The following ERI3 variants were observed in gnomAD, a reference collection of about 807,000 sequenced individuals.
ERI3 encodes ERI1 exoribonuclease family member 3.
Under a neutral mutation model 44.4 loss-of-function variants are expected in ERI3, and 18 were observed. That is an observed-to-expected ratio of 0.41 (90% CI 0.28 to 0.60). The LOEUF (loss-of-function observed/expected upper bound fraction) is 0.60. ERI3 is among the 20% of genes least tolerant of loss of function. The pLI, the probability that ERI3 is intolerant of heterozygous loss-of-function variation, is 0.36. For synonymous variants in ERI3, 183 were observed against 164.8 expected, an observed-to-expected ratio of 1.11 and a Z score of -0.84; for missense variants, 294 against 435.5, an observed-to-expected ratio of 0.68 and a Z score of 2.89.
In ERI3 at chr1:44,308,383, C is replaced by A. The variant is rs1645884889; in HGVS notation, c.685G>T (p.Ala229Ser). 1 of 1,614,162 alleles carries A rather than the reference C, an allele frequency of 6.2e-7. No homozygotes were observed. Among genetic ancestry groups the A allele is most frequent in the Non-Finnish European group, 8.5e-7 (1 of 1,179,984 alleles). ...TTTGGATCTAAGAGGCCTTCCTTCG[C>A]CATCCATTCATCGACCCTCTGAAAA... is the stretch of plus-strand genomic sequence containing the variant. ...QVLERVDEWM[A>S]KEGLLDPNVK... Residue 229 changes from alanine (A) to serine (S), a missense_variant, in exon 6 of 9, where the codon GCG becomes TCG. Physicochemically the swap from Ala to Ser is moderately conservative, Grantham distance 99. This residue lies in a region of ERI3 where 187 missense variants were observed against 338.6 expected (regional missense o/e 0.55). Coordinates refer to ENST00000372257, the MANE Select transcript of ERI3 (RefSeq NM_024066.3).
intron 2 of ERI3, among the ~76,000 whole-genome samples, chr1:44,342,812 AATATATATATATATATAT>A (rs59012227): frequency 0.015 from 470 of 30,870 alleles, 17 homozygotes; most frequent in African/African-American, 0.05. Flanking sequence ...ACATCCAGCT[AATATATATATATATATAT>A]ATATATATAT....
At chr1:44,308,226 T>C (rs1414428161) in intron 6 of ERI3, 84 bp downstream of exon 6, 2 of 954,458 alleles carry the variant, frequency 2.1e-6, no homozygotes, top group Admixed American at 3.5e-5. Flanking sequence ...CCAGCTGCCT[T>C]GTAGACATTT....
At chr1:44,259,376 G>A (rs1200037543) in intron 7 of ERI3, among the ~76,000 whole-genome samples, 4 of 152,154 alleles carry the variant, frequency 2.6e-5, no homozygotes, top group Non-Finnish European at 5.9e-5. Flanking sequence ...ATCAACGCCA[G>A]AGTCCCTGAG....
At chr1:44,250,861 T>C (rs991109130) in intron 7 of ERI3, among the ~76,000 whole-genome samples, 8 of 152,142 alleles carry the variant, frequency 5.3e-5, no homozygotes, top group African/African-American at 1.9e-4. Context: ...CAAAATGATA[T>C]TAAAAACGGT....
intron 1 of ERI3, 101 bp from the exon 2 acceptor site, chr1:44,353,026 G>C (rs185205028): frequency 5.9e-5 from 93 of 1,573,664 alleles, no homozygotes; most frequent in African/African-American, 8.1e-5. Context: ...CAAACTTCGG[G>C]ATAACTGCTA....
At chr1:44,267,972 T>A (rs1362005273) in intron 7 of ERI3, among the ~76,000 whole-genome samples, 1 of 152,182 alleles carries the variant, frequency 6.6e-6, no homozygotes, top group African/African-American at 2.4e-5. Context: ...CTCATCGGGG[T>A]AGCTCAAAGC....
At chr1:44,316,918 T>C (rs2154328787) in intron 4 of ERI3, among the ~76,000 whole-genome samples, 1 of 152,242 alleles carries the variant, frequency 6.6e-6, no homozygotes, top group Non-Finnish European at 1.5e-5. Context: ...TCCCATCCTA[T>C]CTCTGTCAGA....
intron 8 of ERI3, among the ~76,000 whole-genome samples, chr1:44,230,853 C>A (rs1644166198): frequency 6.6e-6 from 1 of 152,230 alleles, no homozygotes; most frequent in South Asian, 2.1e-4. Context: ...CACAGTAACA[C>A]AGTCAACCTT....
chr1:44,221,595 C>T lies in ERI3; in HGVS notation c.977G>A (p.Arg326Gln), dbSNP rs1254143723. 15 of 1,614,010 alleles carry T rather than the reference C, an allele frequency of 9.3e-6. No homozygotes were observed. In the Admixed American group the frequency reaches 1.0e-4, roughly 11 times the overall value. The change falls in exon 9 of 9, where the codon CGA (arginine) becomes CAA (glutamine). Residue 326 changes from arginine (R) to glutamine (Q), a missense_variant. Arg to Gln is a conservative substitution (Grantham distance 43, BLOSUM62 1). Coordinates refer to ENST00000372257, the MANE Select transcript of ERI3 (RefSeq NM_024066.3). The surrounding 1 kb of genome is among the most constrained non-coding windows in gnomAD (Gnocchi z 5.9). ...IANIMKTLAY[R>Q]GFIFKQTSKP... ...CGATGTCTGCTTGAAGATGAAGCCT[C>T]GATAGGCGAGTGTCTTCATGATGTT...
At chr1:44,250,907 C>T (rs570227592) in intron 7 of ERI3, among the ~76,000 whole-genome samples, 13 of 152,210 alleles carry the variant, frequency 8.5e-5, no homozygotes, top group African/African-American at 1.2e-4. Context: ...TGGGCTCTCC[C>T]GCTGTTGGCC....
chr1:44,243,062 G>C (rs1182802051), intron 8 of ERI3, among the ~76,000 whole-genome samples: 1 of 152,220 alleles, frequency 6.6e-6, no homozygotes, highest in East Asian at 1.9e-4. Context: ...AATGCGTTCT[G>C]ACTGGACTCT....
At chr1:44,297,754 G>GGACA (rs1345601794) in intron 6 of ERI3, among the ~76,000 whole-genome samples, 1 of 152,222 alleles carries the variant, frequency 6.6e-6, no homozygotes, top group Non-Finnish European at 1.5e-5. Flanking sequence ...GGGAATTAGA[G>GGACA]GACAGATTGG....
chr1:44,308,663 C>T (rs1645891377), intron 5 of ERI3, among the ~76,000 whole-genome samples: 1 of 152,202 alleles, frequency 6.6e-6, no homozygotes, highest in Admixed American at 6.5e-5. Flanking sequence ...TGGCAGCCTG[C>T]TCCAGATCCC....
Position 44,322,581 on chromosome 1 carries a change from TC to T in ERI3, c.490-2838del, listed in dbSNP as rs902483949. 111 of 1,138,218 alleles carry T rather than the reference TC, an allele frequency of 9.8e-5. 2 individuals are homozygous for T. In the Middle Eastern group the frequency reaches 2.4e-3, roughly 24 times the overall value. The allele number at this position is 1,138,218 out of a possible 1,614,324, so 70.5% of individuals were successfully genotyped here. A position where few individuals can be genotyped will look rare whatever the true frequency, so the allele number is the denominator to read the frequency against. On this transcript the variant is annotated intron_variant, in intron 3 of 8. Transcript: ENST00000372257. ...AACGTGACTTTGCAGGGGCCCTTCC[TC>T]CACAACATGAGGAGCTGTTATTAAC...
At position 44,313,186 on chromosome 1, in the gene ERI3, G is replaced by A. The variant is rs372669116; in HGVS notation, c.649C>T (p.Leu217=). The A allele has an allele frequency of 6.2e-7, 1 of 1,614,048 alleles. No individual in the cohort carries two copies. Among genetic ancestry groups the A allele is most frequent in the African/African-American group, 1.3e-5 (1 of 74,938 alleles). Residue 217 remains leucine, a synonymous_variant, in exon 5 of 9, where the codon CTG becomes TTG. Transcript: ENST00000372257. ...IQAMVDGQPS[L]QQVLERVDEW... ...CAACCTACCTCCAGCACTTGCTGCA[G>A]GCTTGGCTGACCATCCACCATGGCT...
chr1:44,269,203 G>C (rs920872134), intron 7 of ERI3, among the ~76,000 whole-genome samples: 1 of 152,226 alleles, frequency 6.6e-6, no homozygotes, highest in Admixed American at 6.5e-5. Context: ...CATAGTGGCA[G>C]AGGTAGAAGA....
chr1:44,326,412 G>GA (rs1033764448), intron 3 of ERI3, among the ~76,000 whole-genome samples: 56 of 147,318 alleles, frequency 3.8e-4, no homozygotes, highest in South Asian at 1.7e-3. Context: ...TTCTCCCTTG[G>GA]AAAAAAAAAA....
intron 7 of ERI3, among the ~76,000 whole-genome samples, chr1:44,275,407 C>A (rs2154322041): frequency 6.6e-6 from 1 of 152,324 alleles, no homozygotes; most frequent in East Asian, 1.9e-4. Flanking sequence ...CTATGGCCCC[C>A]AGCAAAGAAC....
At chr1:44,280,095 A>G (rs977325234) in intron 7 of ERI3, among the ~76,000 whole-genome samples, 5 of 152,214 alleles carry the variant, frequency 3.3e-5, no homozygotes, top group Admixed American at 6.5e-5. Flanking sequence ...CCACTACTTC[A>G]TAACTCACAA....
Sources: allele counts gnomAD v4.1 joint callset (sites outside exome capture counted in the v4.1 genomes callset), GRCh38; gene constraint gnomAD v4.1.1; regional missense constraint gnomAD v4.1.1; non-coding constraint Gnocchi (gnomAD v3.1); transcripts MANE v1.5; gene names NCBI Gene and HGNC (gene_info 2026-07-23, HGNC 2026-07-21).